Variants in CPM observed in about 807,000 individuals in gnomAD.
CPM encodes the protein renal carboxypeptidase.
Under a neutral mutation model 46.4 loss-of-function variants are expected in CPM, and 35 were observed. That is an observed-to-expected ratio of 0.75 (90% confidence interval 0.58 to 1.00). CPM has a LOEUF of 1.00. Among genes scored for constraint, CPM ranks in the 50% least tolerant of loss-of-function variants. CPM has a pLI of 0.00. For synonymous variants in CPM, 195 were observed against 195.3 expected, an observed-to-expected ratio of 1.00 and a Z score of 0.01; for missense variants, 422 against 530.4, an observed-to-expected ratio of 0.80 and a Z score of 2.01.
intron 7 of CPM, among the ~76,000 whole-genome samples, chr12:68,864,743 G>T (rs1885359180): frequency 6.6e-6 from 1 of 152,194 alleles, no homozygotes; most frequent in South Asian, 2.1e-4. Context: ...CAGTCACGGT[G>T]GCTCACACCT....
upstream of CPM, among the ~76,000 whole-genome samples, chr12:68,934,883 A>G (rs1450186635): frequency 6.6e-6 from 1 of 152,142 alleles, no homozygotes; most frequent in Non-Finnish European, 1.5e-5. Context: ...GAATTTTCCA[A>G]GAGTTGGAAT....
At chr12:68,926,525 T>A (rs1888266632) in intron 2 of CPM, among the ~76,000 whole-genome samples, 1 of 152,062 alleles carries the variant, frequency 6.6e-6, no homozygotes, top group Non-Finnish European at 1.5e-5. Context: ...ATCATCCCCA[T>A]CTGTGTCAAG....
chr12:68,909,384 T>TC (rs2136289269), intron 2 of CPM, among the ~76,000 whole-genome samples: 1 of 152,278 alleles, frequency 6.6e-6, no homozygotes, highest in South Asian at 2.1e-4. Context: ...ATTTTTTTTT[T>TC]CACCCATTAG....
upstream of CPM, among the ~76,000 whole-genome samples, chr12:68,934,165 AC>A (rs1179658449): frequency 2.0e-5 from 3 of 151,624 alleles, no homozygotes; most frequent in Non-Finnish European, 4.4e-5. Flanking sequence ...ATTGTAAGTA[AC>A]CGTGTCAGGG....
At chr12:68,953,827 G>T (rs1032312257) in intron 1 of CPM, among the ~76,000 whole-genome samples, 2 of 152,210 alleles carry the variant, frequency 1.3e-5, no homozygotes, top group African/African-American at 2.4e-5. Flanking sequence ...TTTGTGACAA[G>T]TGAAATAAAA....
chr12:68,945,691 G>C (rs1053984849), intron 1 of CPM, among the ~76,000 whole-genome samples: 1 of 152,170 alleles, frequency 6.6e-6, no homozygotes, highest in Non-Finnish European at 1.5e-5. Context: ...AATGCAAGGT[G>C]TGAAAGTCTT....
intron 1 of CPM, among the ~76,000 whole-genome samples, chr12:68,945,846 C>CTTTTTTTTTT (rs1170064808): frequency 3.3e-4 from 29 of 88,468 alleles, no homozygotes; most frequent in African/African-American, 4.8e-4. Context: ...TTCTTTCTTT[C>CTTTTTTTTTT]TTTTTTTTTT....
intron 1 of CPM, among the ~76,000 whole-genome samples, chr12:68,953,922 G>A (rs1431825598): frequency 6.6e-6 from 1 of 152,248 alleles, no homozygotes; most frequent in Non-Finnish European, 1.5e-5. Flanking sequence ...TCGTTGCTGT[G>A]TGTTTATGGT....
chr12:68,960,884 A>G (rs940851296), intron 1 of CPM, among the ~76,000 whole-genome samples: 5 of 152,206 alleles, frequency 3.3e-5, no homozygotes, highest in Non-Finnish European at 7.3e-5. Context: ...AGAACAGGTG[A>G]AAAGAGTAAC....
intron 2 of CPM, chr12:68,913,957 A>C (rs561781235): frequency 4.2e-6 from 3 of 719,562 alleles, no homozygotes; most frequent in Non-Finnish European, 5.3e-6. Flanking sequence ...ACAGAATATC[A>C]AATTTGTGTT....
intron 2 of CPM, among the ~76,000 whole-genome samples, chr12:68,899,555 G>C (rs1887030519): frequency 6.6e-6 from 1 of 152,228 alleles, no homozygotes; most frequent in Non-Finnish European, 1.5e-5. Flanking sequence ...GTCATGGAGA[G>C]ACTCCAACTC....
chr12:68,895,746 G>A (rs977150230), intron 2 of CPM, among the ~76,000 whole-genome samples: 8 of 152,174 alleles, frequency 5.3e-5, no homozygotes, highest in Admixed American at 2.6e-4. Context: ...TTGGGAGGCC[G>A]AGGCAGGTGG....
chr12:68,882,910 A>T (rs1213964284), intron 3 of CPM, among the ~76,000 whole-genome samples: 1 of 152,246 alleles, frequency 6.6e-6, no homozygotes, highest in Non-Finnish European at 1.5e-5. Context: ...TAAGTAAAAT[A>T]AAAATACATG....
downstream of CPM, chr12:68,846,493 C>T (rs151187823): frequency 9.1e-3 from 1,387 of 152,258 alleles, 12 homozygotes; most frequent in South Asian, 0.023. Context: ...TTGGTTCACA[C>T]CTCCCCAGCC....
At chr12:68,938,271 G>A (rs560409923) in intron 1 of CPM, among the ~76,000 whole-genome samples, 3 of 152,010 alleles carry the variant, frequency 2.0e-5, no homozygotes, top group Admixed American at 6.6e-5. Flanking sequence ...ATTTAGGGAT[G>A]GGGCAAGGTA....
chr12:68,883,373 G>A (rs994075286), intron 3 of CPM, among the ~76,000 whole-genome samples: 6 of 152,242 alleles, frequency 3.9e-5, no homozygotes, highest in Middle Eastern at 6.8e-3. Flanking sequence ...AGCTCCTAGC[G>A]GCATGGGGAG....
rs760563157 is a variant in CPM, at chr12:68,870,401, T to C, written c.432-2A>G. The C allele has an allele frequency of 1.2e-6, 2 of 1,612,846 alleles. No homozygotes were observed. The highest frequency in any genetic ancestry group is 8.5e-7 in the Non-Finnish European group (1 of 1,179,218). ...AAGTCATACTGGTTATAATTTTCCC[T>C]TTAAAAGAAAGAATATTTTAGGGCT... On this transcript the variant is annotated splice_acceptor_variant, in intron 4 of 8. Transcript: ENST00000551568. LOFTEE classifies it high-confidence loss of function.
intron 1 of CPM, among the ~76,000 whole-genome samples, chr12:68,958,748 T>C (rs1048274338): frequency 7.2e-5 from 11 of 152,164 alleles, no homozygotes; most frequent in African/African-American, 2.7e-4. Flanking sequence ...CAGGGGCTTC[T>C]AGTCACACTC....
At chr12:68,897,661 C>T (rs1320492569) in intron 2 of CPM, among the ~76,000 whole-genome samples, 6 of 148,804 alleles carry the variant, frequency 4.0e-5, no homozygotes, top group Non-Finnish European at 5.9e-5. Context: ...CGCTTGAACC[C>T]GGGAAGCAGA....
Sources: gnomAD v4.1 joint callset for allele counts (sites outside exome capture counted in the v4.1 genomes callset) on GRCh38, gnomAD v4.1.1 for gene constraint, MANE v1.5 for transcripts, NCBI Gene and HGNC (gene_info 2026-07-23, HGNC 2026-07-21) for gene names.